MED13: variants seen among roughly 807,000 people sequenced by gnomAD.
MED13 encodes the protein mediator complex subunit 13.
A neutral mutation model predicts 225.2 loss-of-function variants in MED13; 23 were observed. The observed-to-expected ratio is 0.10, with a 90% CI of 0.07 to 0.14. The LOEUF is 0.14. Among genes scored for constraint, MED13 ranks in the 10% least tolerant of loss-of-function variants. The pLI is 1.00. For missense variants in MED13, 2,197 were observed against 2,594.5 expected (o/e 0.85, Z 3.33); for synonymous variants, 942 against 889.2 (o/e 1.06, Z -1.06).
rs1229562322 is a variant in MED13, at chr17:62,037,397, G to A, written c.471-1789C>T. Among the ~76,000 whole-genome samples, 7 of 152,236 alleles carry A rather than the reference G, an allele frequency of 4.6e-5. No homozygotes were observed. In the East Asian group the frequency reaches 1.3e-3, roughly 29 times the overall value. ...GCAGTGACAATGGCTGGGAGTGGTG[G>A]CTCATGCCTGTAATCCCAGCACTTT... is the stretch of plus-strand genomic sequence containing the variant. On this transcript the variant is annotated intron_variant, in intron 3 of 29. Coordinates refer to ENST00000397786, the MANE Select transcript of MED13 (RefSeq NM_005121.3).
intron 23 of MED13, among the ~76,000 whole-genome samples, chr17:61,959,800 C>T (rs565118411): frequency 6.7e-6 from 1 of 149,158 alleles, no homozygotes; most frequent in South Asian, 2.1e-4. Flanking sequence ...GCAATCTCAG[C>T]TCACTGCAGC....
At chr17:62,027,237 A>C (rs2080711058) in intron 8 of MED13, among the ~76,000 whole-genome samples, 2 of 152,206 alleles carry the variant, frequency 1.3e-5, no homozygotes, top group Admixed American at 1.3e-4. Context: ...TAAAACAGAC[A>C]CATAGACCAA....
chr17:62,057,316 C>T (rs897319600), intron 2 of MED13, among the ~76,000 whole-genome samples: 4 of 151,722 alleles, frequency 2.6e-5, no homozygotes, highest in Non-Finnish European at 2.9e-5. Flanking sequence ...TTAAGTTGGC[C>T]GCATCATTAT....
intron 13 of MED13, 48 bp downstream of exon 13, chr17:61,984,952 G>A (rs1393421826): frequency 6.2e-7 from 1 of 1,601,052 alleles, no homozygotes; most frequent in Admixed American, 1.7e-5. Context: ...GCTTTGTTGA[G>A]ATTAAAAGTT....
At chr17:62,028,011 G>A (rs554395369) in intron 8 of MED13, among the ~76,000 whole-genome samples, 1 of 152,050 alleles carries the variant, frequency 6.6e-6, no homozygotes, top group South Asian at 2.1e-4. Context: ...ATTCCTCAAA[G>A]AGCTACAACT....
At chr17:61,969,781 TG>T (rs1431647082) in intron 17 of MED13, among the ~76,000 whole-genome samples, 3 of 152,084 alleles carry the variant, frequency 2.0e-5, no homozygotes, top group Non-Finnish European at 2.9e-5. Context: ...TTTGAATTTT[TG>T]GTAGAGATGG....
intron 24 of MED13, among the ~76,000 whole-genome samples, chr17:61,956,115 C>A (rs866161702): frequency 2.0e-5 from 3 of 151,934 alleles, no homozygotes; most frequent in African/African-American, 7.3e-5. Flanking sequence ...GTGGAAAAAA[C>A]AGAAAACAAT....
intron 28 of MED13, 39 bp from the exon 29 acceptor site, chr17:61,947,056 G>A (rs773846766): frequency 7.2e-7 from 1 of 1,381,538 alleles, no homozygotes; most frequent in South Asian, 1.2e-5. Flanking sequence ...CAGCCAAACA[G>A]AAAATAATCT....
chr17:61,994,732 C>T (rs1054284385), intron 10 of MED13, among the ~76,000 whole-genome samples: 1 of 152,154 alleles, frequency 6.6e-6, no homozygotes. Flanking sequence ...CTTTTTGAGA[C>T]GGAGTCTCGC....
chr17:62,063,536 C>A (rs974828106), intron 1 of MED13, among the ~76,000 whole-genome samples: 1 of 152,118 alleles, frequency 6.6e-6, no homozygotes, highest in Non-Finnish European at 1.5e-5. Flanking sequence ...CAAATATGTA[C>A]TCCAAGTAGA....
chr17:62,054,968 C>T (rs1603410094), intron 2 of MED13, among the ~76,000 whole-genome samples: 1 of 152,310 alleles, frequency 6.6e-6, no homozygotes, highest in East Asian at 1.9e-4. Flanking sequence ...CAAGGTTGTA[C>T]AGTTGTTATA....
chr17:61,981,877 G>A (rs1323193852), intron 16 of MED13, among the ~76,000 whole-genome samples: 1 of 152,174 alleles, frequency 6.6e-6, no homozygotes, highest in Non-Finnish European at 1.5e-5. Context: ...GCACATACAA[G>A]GTGCCCAGTA....
At chr17:61,948,205 TAAGA>T (rs1245622025) in intron 28 of MED13, among the ~76,000 whole-genome samples, 1 of 151,632 alleles carries the variant, frequency 6.6e-6, no homozygotes, top group African/African-American at 2.4e-5. Context: ...AAAACTAAAA[TAAGA>T]TATATGAAAA....
chr17:61,985,194 G>A, intron 12 of MED13, 104 bp from the exon 13 acceptor site: 3 of 921,540 alleles, frequency 3.3e-6, no homozygotes, highest in East Asian at 2.5e-5. Flanking sequence ...TTCATTAAAA[G>A]TAGTATTTTG....
At chr17:61,983,506 T>G (rs1024712074) in intron 15 of MED13, among the ~76,000 whole-genome samples, 1 of 152,186 alleles carries the variant, frequency 6.6e-6, no homozygotes, top group African/African-American at 2.4e-5. Flanking sequence ...AAAATGGTAA[T>G]TTTAAAATGC....
At chr17:61,994,048 A>ACACTGGACATGG (rs2080326940) in intron 10 of MED13, among the ~76,000 whole-genome samples, 1 of 151,776 alleles carries the variant, frequency 6.6e-6, no homozygotes, top group Non-Finnish European at 1.5e-5. Flanking sequence ...CACCAGGCAG[A>ACACTGGACATGG]AGTTCACTGG....
intron 2 of MED13, 47 bp from the exon 3 acceptor site, chr17:62,052,752 A>T: frequency 1.4e-6 from 2 of 1,382,746 alleles, no homozygotes; most frequent in Non-Finnish European, 1.9e-6. Context: ...ACTATAATCT[A>T]TTCAGAGCCA....
chr17:61,964,835 C>T (rs1182952352), intron 20 of MED13, among the ~76,000 whole-genome samples, 171 bp downstream of exon 20: 1 of 152,042 alleles, frequency 6.6e-6, no homozygotes, highest in Non-Finnish European at 1.5e-5. Flanking sequence ...ACTAGGGAGG[C>T]TGAGGGAGGA....
chr17:61,987,210 G>A (rs925461556), intron 11 of MED13, 82 bp from the exon 12 acceptor site: 39 of 908,684 alleles, frequency 4.3e-5, no homozygotes, highest in Non-Finnish European at 5.5e-5. Context: ...GCCGAGGAGG[G>A]TGGATCACGA....
Sources: gnomAD v4.1 joint callset for allele counts (sites outside exome capture counted in the v4.1 genomes callset) on GRCh38, gnomAD v4.1.1 for gene constraint, MANE v1.5 for transcripts, NCBI Gene and HGNC (gene_info 2026-07-23, HGNC 2026-07-21) for gene names.